Variants in LRRK2 observed in about 807,000 individuals in gnomAD.
The protein encoded by LRRK2 is leucine-rich repeat serine/threonine-protein kinase 2.
LRRK2 carries 203 observed loss-of-function variants against 302.6 expected under a neutral mutation model. The ratio of observed to expected loss-of-function variants is 0.67; its 90% CI spans 0.60 to 0.75. The LOEUF (loss-of-function observed/expected upper bound fraction) is 0.75. Ranked by LOEUF, LRRK2 falls within the 30% of genes least tolerant of loss-of-function variation. The pLI is 0.00. For missense variants in LRRK2, 2,830 were observed against 2,951.0 expected (o/e 0.96, Z 0.95); for synonymous variants, 1,066 against 1,031.9 (o/e 1.03, Z -0.63).
rs199893519 is a variant in LRRK2 at position 40,364,984 on chromosome 12, C to T, written c.7324C>T (p.Arg2442Cys). Residue 2442 changes from arginine to cysteine, a missense_variant, in exon 49 of 51, where the codon CGT (arginine) becomes TGT (cysteine). Around this residue, in one of 3 missense-constraint regions of LRRK2, gnomAD observed 456 missense variants for 456.3 expected, o/e 1.00. Coordinates refer to ENST00000298910, the MANE Select transcript of LRRK2 (RefSeq NM_198578.4). ...GHILLLDLSTRRLIRVIYNFC... is the reference protein window; with the variant it reads ...GHILLLDLSTCRLIRVIYNFC... ...TATTTTACTCCTGGATCTTTCAACTCGTCGACTTATACGTGTAATTTACAA... is the reference window on the plus strand; with the variant it reads ...TATTTTACTCCTGGATCTTTCAACTTGTCGACTTATACGTGTAATTTACAA... 3.6e-5 allele frequency: 58 copies of T among 1,612,476 alleles called. No individual in the cohort carries two copies. Among genetic ancestry groups the T allele is most frequent in the Middle Eastern group, 1.6e-4 (1 of 6,068 alleles).
At chr12:40,353,360 A>G (rs1191331371) in intron 44 of LRRK2, among the ~76,000 whole-genome samples, 3 of 150,190 alleles carry the variant, frequency 2.0e-5, no homozygotes, top group Non-Finnish European at 4.4e-5. Flanking sequence ...GCGGCCGGGC[A>G]TAGGCTCTCC....
chr12:40,267,927 A>G (rs1372598532), intron 14 of LRRK2, among the ~76,000 whole-genome samples: 1 of 152,186 alleles, frequency 6.6e-6, no homozygotes, highest in Non-Finnish European at 1.5e-5. Flanking sequence ...TAATACATCT[A>G]AACTTGGAGA....
chr12:40,249,816 T>G lies in LRRK2; in HGVS notation c.839-10T>G. 6.2e-7 allele frequency: 1 copy of G among 1,613,412 alleles called. No homozygotes were observed. The highest frequency in any genetic ancestry group is 8.5e-7 in the Non-Finnish European group (1 of 1,179,526). On this transcript the variant is annotated splice_polypyrimidine_tract_variant and intron_variant, in intron 7 of 50. Transcript: ENST00000298910. ...ATGAGAATTCAGCTAATGTTTCACT[T>G]AACTTTTAGGTAATTTTTTCAATAT...
At chr12:40,366,963 A>G in intron 49 of LRRK2, 43 bp from the exon 50 acceptor site, 1 of 1,461,156 alleles carries the variant, frequency 6.8e-7, no homozygotes, top group Non-Finnish European at 9.6e-7. Context: ...CCAGTTTAAT[A>G]TATAGTTTTA....
At position 40,346,832 on chromosome 12, in the gene LRRK2, C is replaced by G. The variant is rs376549558; in HGVS notation, c.6189C>G (p.Leu2063=). 2 of 1,613,654 alleles carry G rather than the reference C, an allele frequency of 1.2e-6. No individual in the cohort carries two copies. The highest frequency in any genetic ancestry group is 1.7e-6 in the Non-Finnish European group (2 of 1,179,696). ...QADVYSFGLL[L]YDILTTGGRI... Reference sequence around the variant, plus strand: ...ATGTTTATTCATTTGGTTTACTACTCTATGACATTTTGACAACTGGAGGTA... The same window carrying G: ...ATGTTTATTCATTTGGTTTACTACTGTATGACATTTTGACAACTGGAGGTA... Residue 2063 remains leucine (L), a synonymous_variant, in exon 42 of 51, where the codon CTC becomes CTG. Transcript: ENST00000298910.
Position 40,364,659 on chromosome 12 carries a change from G to A in LRRK2, c.7182-183G>A, listed in dbSNP as rs113428091. ...TTATCTTTGATAATTTATGCTTCAA[G>A]TAAAGAAGTGTGGCTCTTTGGCATC... On this transcript the variant is annotated intron_variant, in intron 48 of 50. Transcript: ENST00000298910. Among the ~76,000 whole-genome samples the A allele has an allele frequency of 8.0e-4, 122 of 151,952 alleles. 1 individual carries two copies. Among genetic ancestry groups the A allele is most frequent in the African/African-American group, 2.8e-3 (116 of 41,488 alleles).
intron 16 of LRRK2, among the ~76,000 whole-genome samples, 155 bp downstream of exon 16, chr12:40,275,148 T>C (rs2136608279): frequency 6.6e-6 from 1 of 152,310 alleles, no homozygotes; most frequent in South Asian, 2.1e-4. Context: ...CAAAGAAAAT[T>C]GGATTGAATC....
At chr12:40,344,988 C>A (rs571902612) in intron 41 of LRRK2, among the ~76,000 whole-genome samples, 193 of 152,246 alleles carry the variant, frequency 1.3e-3, no homozygotes, top group Middle Eastern at 3.4e-3. Context: ...CTCCATCCTT[C>A]CAACTCTTCA....
chr12:40,266,905 T>C (rs952992655), intron 14 of LRRK2, among the ~76,000 whole-genome samples: 11 of 145,776 alleles, frequency 7.5e-5, no homozygotes, highest in East Asian at 4.1e-4. Flanking sequence ...CCAAACACCA[T>C]ATGTTCTCAC....
chr12:40,346,389 C>T (rs942228447), intron 41 of LRRK2, among the ~76,000 whole-genome samples: 11 of 151,898 alleles, frequency 7.2e-5, no homozygotes, highest in Admixed American at 5.2e-4. Flanking sequence ...ATATTAGGAA[C>T]GAGAAAAATG....
intron 19 of LRRK2, among the ~76,000 whole-genome samples, 153 bp downstream of exon 19, chr12:40,284,286 T>C (rs147015277): frequency 0.033 from 4,936 of 151,032 alleles, 225 homozygotes; most frequent in South Asian, 0.12. Flanking sequence ...GGCTATGAAA[T>C]ACTTCAAAAT....
At chr12:40,324,283 T>C (rs1945484622) in intron 38 of LRRK2, among the ~76,000 whole-genome samples, 1 of 152,190 alleles carries the variant, frequency 6.6e-6, no homozygotes, top group African/African-American at 2.4e-5. Flanking sequence ...GTGTACAACA[T>C]GATGTTTTGA....
intron 19 of LRRK2, among the ~76,000 whole-genome samples, chr12:40,284,894 C>G (rs1943858562): frequency 6.6e-6 from 1 of 152,116 alleles, no homozygotes. Context: ...CACTCACTAG[C>G]AAAACACCAG....
At chr12:40,292,846 TTTA>T (rs1458190598) in intron 20 of LRRK2, among the ~76,000 whole-genome samples, 2 of 152,118 alleles carry the variant, frequency 1.3e-5, no homozygotes, top group East Asian at 3.9e-4. Context: ...TTCTTGTAAA[TTTA>T]TTATTTTGAA....
intron 31 of LRRK2, among the ~76,000 whole-genome samples, chr12:40,313,126 C>G (rs1592273994): frequency 6.6e-6 from 1 of 151,894 alleles, no homozygotes; most frequent in East Asian, 1.9e-4. Context: ...TTCGTATTTT[C>G]AGATAAAAAG....
chr12:40,359,095 G>A (rs961410731), intron 46 of LRRK2, among the ~76,000 whole-genome samples, 165 bp from the exon 47 acceptor site: 1 of 151,832 alleles, frequency 6.6e-6, no homozygotes, highest in Non-Finnish European at 1.5e-5. Context: ...TCATTTATCA[G>A]AACTAAGAGT....
intron 13 of LRRK2, among the ~76,000 whole-genome samples, chr12:40,260,712 A>G (rs1942733554): frequency 1.3e-5 from 2 of 152,276 alleles, no homozygotes; most frequent in Middle Eastern, 6.8e-3. Context: ...GAGAGACTAG[A>G]TACAAGGAGA....
intron 14 of LRRK2, among the ~76,000 whole-genome samples, chr12:40,273,692 A>G (rs1943328455): frequency 6.6e-6 from 1 of 152,168 alleles, no homozygotes; most frequent in Admixed American, 6.6e-5. Flanking sequence ...ATCTAAATGA[A>G]AGCAAAATTC....
At chr12:40,321,956 C>T (rs1292746839) in intron 35 of LRRK2, 79 bp from the exon 36 acceptor site, 1 of 1,390,230 alleles carries the variant, frequency 7.2e-7, no homozygotes, top group East Asian at 2.3e-5. Flanking sequence ...ATCTGTATTA[C>T]AATCACTTGT....
Sources: gnomAD v4.1 joint callset for allele counts (sites outside exome capture counted in the v4.1 genomes callset) on GRCh38, gnomAD v4.1.1 for gene constraint, gnomAD v4.1.1 regional missense constraint, MANE v1.5 for transcripts, NCBI Gene and HGNC (gene_info 2026-07-23, HGNC 2026-07-21) for gene names.